The following LRP6 variants were observed in gnomAD, a reference collection of about 807,000 sequenced individuals.
LRP6 encodes the protein LDL receptor related protein 6, also known as low-density lipoprotein receptor-related protein 6.
A neutral mutation model predicts 184.1 loss-of-function variants in LRP6; 43 were observed. The observed-to-expected ratio is 0.23, with a 90% CI of 0.18 to 0.30. LRP6 has a LOEUF of 0.30. Ranked by LOEUF, LRP6 falls within the 10% of genes least tolerant of loss-of-function variation. LRP6 has a pLI of 1.00. For synonymous variants in LRP6, 719 were observed against 684.9 expected (o/e 1.05, Z -0.78); for missense variants, 1,571 against 2,005.3 (o/e 0.78, Z 4.14).
chr12:12,249,137 G>T, intron 1 of LRP6: 1 of 708,298 alleles, frequency 1.4e-6, no homozygotes, highest in Non-Finnish European at 2.6e-6. Flanking sequence ...GACGTACAGG[G>T]ATGATAATTG....
intron 1 of LRP6, among the ~76,000 whole-genome samples, chr12:12,257,624 G>GA (rs1348927364): frequency 9.0e-4 from 117 of 129,544 alleles, no homozygotes; most frequent in East Asian, 1.3e-3. Flanking sequence ...AGGGCTTAAT[G>GA]AAAAAAAAAA....
At chr12:12,228,576 G>A (rs576461582) in intron 2 of LRP6, among the ~76,000 whole-genome samples, 4 of 152,252 alleles carry the variant, frequency 2.6e-5, no homozygotes, top group East Asian at 1.9e-4. Context: ...GGAACTGGCC[G>A]CACAGCAGGT....
intron 5 of LRP6, among the ~76,000 whole-genome samples, chr12:12,182,290 A>G (rs980585606): frequency 6.6e-6 from 1 of 152,216 alleles, no homozygotes; most frequent in Admixed American, 6.5e-5. Context: ...ATACTTAACA[A>G]CAGTATTAAA....
chr12:12,239,475 T>C (rs1865005929), intron 2 of LRP6, among the ~76,000 whole-genome samples: 1 of 152,126 alleles, frequency 6.6e-6, no homozygotes, highest in South Asian at 2.1e-4. Flanking sequence ...ATAGTATCAA[T>C]ATCAATTGTT....
intron 3 of LRP6, among the ~76,000 whole-genome samples, chr12:12,191,165 A>G (rs1008699087): frequency 6.6e-6 from 1 of 152,206 alleles, no homozygotes. Context: ...AAGTGAATAC[A>G]ATGAATTCAT....
At chr12:12,249,991 C>T (rs1384812569) in intron 1 of LRP6, among the ~76,000 whole-genome samples, 2 of 152,188 alleles carry the variant, frequency 1.3e-5, no homozygotes, top group Non-Finnish European at 2.9e-5. Flanking sequence ...GTCTTGTTGA[C>T]TCTTATTTTA....
At chr12:12,191,170 A>C (rs151087119) in intron 3 of LRP6, among the ~76,000 whole-genome samples, 7 of 152,314 alleles carry the variant, frequency 4.6e-5, no homozygotes, top group Middle Eastern at 6.8e-3. Context: ...AATACAATGA[A>C]TTCATCGTCA....
chr12:12,210,655 G>A (rs988143139), intron 2 of LRP6, among the ~76,000 whole-genome samples: 4 of 152,158 alleles, frequency 2.6e-5, no homozygotes, highest in African/African-American at 7.2e-5. Flanking sequence ...TGTGACACAT[G>A]TAAGTAACTC....
intron 6 of LRP6, 77 bp from the exon 7 acceptor site, chr12:12,180,058 T>G (rs562703315): frequency 8.4e-7 from 1 of 1,191,572 alleles, no homozygotes; most frequent in African/African-American, 1.5e-5. Flanking sequence ...GTGAGATCCA[T>G]CCCTCCTATT....
chr12:12,133,006 C>T (rs568037967), intron 17 of LRP6, among the ~76,000 whole-genome samples: 1 of 152,256 alleles, frequency 6.6e-6, no homozygotes, highest in Non-Finnish European at 1.5e-5. Context: ...AACTTTACAA[C>T]AGAGAATATT....
chr12:12,221,073 TAAG>T (rs1300111692), intron 2 of LRP6, among the ~76,000 whole-genome samples: 1 of 152,182 alleles, frequency 6.6e-6, no homozygotes, highest in African/African-American at 2.4e-5. Context: ...CCTCTCTCCT[TAAG>T]AACCAATGTC....
chr12:12,207,616 T>C (rs961064345), intron 2 of LRP6, among the ~76,000 whole-genome samples: 9 of 151,946 alleles, frequency 5.9e-5, no homozygotes, highest in East Asian at 1.9e-4. Context: ...AGCAACAAAA[T>C]AGCAAACTAG....
chr12:12,141,505 T>C (rs929991026), intron 15 of LRP6, among the ~76,000 whole-genome samples: 6 of 152,206 alleles, frequency 3.9e-5, no homozygotes, highest in African/African-American at 1.2e-4. Flanking sequence ...TTTAACCTTT[T>C]ATGATGAGCC....
At chr12:12,191,296 GA>G (rs994117445) in intron 3 of LRP6, among the ~76,000 whole-genome samples, 3 of 152,178 alleles carry the variant, frequency 2.0e-5, no homozygotes, top group Non-Finnish European at 4.4e-5. Context: ...GGAGCGGACT[GA>G]AAAGTGTGCA....
At chr12:12,241,474 G>A (rs555790769) in intron 2 of LRP6, among the ~76,000 whole-genome samples, 115 of 152,068 alleles carry the variant, frequency 7.6e-4, no homozygotes, top group African/African-American at 2.7e-3. Context: ...TTTTAAATAC[G>A]CTCCATCATT....
intron 19 of LRP6, among the ~76,000 whole-genome samples, chr12:12,128,852 T>G (rs555475660): frequency 2.0e-5 from 3 of 152,314 alleles, no homozygotes; most frequent in Admixed American, 1.3e-4. Context: ...CAACTATAGC[T>G]AAGTGGTTAC....
At chr12:12,166,430 C>G (rs1254825569) in intron 7 of LRP6, among the ~76,000 whole-genome samples, 3 of 152,296 alleles carry the variant, frequency 2.0e-5, no homozygotes, top group Admixed American at 2.0e-4. Context: ...GCACCCAACA[C>G]AGAGTGATAA....
chr12:12,155,055 G>T (rs11054711), intron 12 of LRP6, among the ~76,000 whole-genome samples: 2,250 of 152,152 alleles, frequency 0.015, 44 homozygotes, highest in Middle Eastern at 0.037. Context: ...AATTAGCCAG[G>T]CACCGTGATG....
chr12:12,233,402 A>T (rs1249350852), intron 2 of LRP6, among the ~76,000 whole-genome samples: 1 of 152,220 alleles, frequency 6.6e-6, no homozygotes, highest in African/African-American at 2.4e-5. Flanking sequence ...CGGGAGGCGG[A>T]GGTTGCAGTG....
Sources: gnomAD v4.1 joint callset for allele counts (sites outside exome capture counted in the v4.1 genomes callset) on GRCh38, gnomAD v4.1.1 for gene constraint, MANE v1.5 for transcripts, NCBI Gene and HGNC (gene_info 2026-07-23, HGNC 2026-07-21) for gene names.